Variants in GALNT10 observed in about 807,000 individuals in gnomAD.
GALNT10 encodes the protein GalNAc transferase 10.
GALNT10 carries 41 observed loss-of-function variants against 75.0 expected under a neutral mutation model. That is an observed-to-expected ratio of 0.55 (90% CI 0.43 to 0.71). GALNT10 has a LOEUF of 0.71. Among genes scored for constraint, GALNT10 ranks in the 30% least tolerant of loss-of-function variants. The probability of loss-of-function intolerance (pLI) is 0.00; values close to 1 mark genes in which losing one functional copy is unlikely to be tolerated. For missense variants in GALNT10, 727 were observed against 818.5 expected (o/e 0.89, Z 1.36); for synonymous variants, 302 against 313.0 (o/e 0.96, Z 0.37).
chr5:154,368,096 G>A (rs577181636), intron 4 of GALNT10, among the ~76,000 whole-genome samples: 7 of 152,244 alleles, frequency 4.6e-5, no homozygotes, highest in South Asian at 4.2e-4. Context: ...GTTAAAATCC[G>A]GCTCAGTGGG....
At chr5:154,386,513 C>T (rs780322931) in intron 7 of GALNT10, 83 bp downstream of exon 7, 1 of 843,682 alleles carries the variant, frequency 1.2e-6, no homozygotes, top group South Asian at 1.3e-5. Flanking sequence ...TCTGCCTGAG[C>T]TTGGAAAGAC....
intron 1 of GALNT10, among the ~76,000 whole-genome samples, chr5:154,279,309 T>TG (rs1754003297): frequency 6.8e-6 from 1 of 147,334 alleles, no homozygotes; most frequent in Admixed American, 6.8e-5. Flanking sequence ...GTTTTGTTTT[T>TG]TTTTTTTTTT....
chr5:154,250,221 T>G (rs896914483), intron 1 of GALNT10, among the ~76,000 whole-genome samples: 2 of 152,190 alleles, frequency 1.3e-5, no homozygotes, highest in African/African-American at 4.8e-5. Context: ...GATAAGTCAG[T>G]CCTTTGGACC....
chr5:154,229,963 C>T (rs1165508207), intron 1 of GALNT10, among the ~76,000 whole-genome samples: 1 of 152,216 alleles, frequency 6.6e-6, no homozygotes, highest in East Asian at 1.9e-4. Flanking sequence ...CTGTGTCAGT[C>T]TCCATGCTGG....
intron 1 of GALNT10, among the ~76,000 whole-genome samples, chr5:154,251,343 T>C (rs1252332409): frequency 6.6e-6 from 1 of 152,196 alleles, no homozygotes; most frequent in Admixed American, 6.6e-5. Context: ...AAAGTCTCAA[T>C]CTACAGGTTT....
intron 2 of GALNT10, among the ~76,000 whole-genome samples, chr5:154,297,018 C>A (rs1354866600): frequency 6.6e-6 from 1 of 152,178 alleles, no homozygotes; most frequent in Non-Finnish European, 1.5e-5. Context: ...TTGCTCAGTC[C>A]ACAAGCTCCA....
At chr5:154,369,838 C>T (rs1755537813) in intron 4 of GALNT10, among the ~76,000 whole-genome samples, 1 of 152,152 alleles carries the variant, frequency 6.6e-6, no homozygotes, top group Non-Finnish European at 1.5e-5. Flanking sequence ...GGTTGGTGGC[C>T]CCCTCCCTGC....
At chr5:154,334,178 A>G (rs2113123186) in intron 4 of GALNT10, among the ~76,000 whole-genome samples, 1 of 152,368 alleles carries the variant, frequency 6.6e-6, no homozygotes, top group East Asian at 1.9e-4. Context: ...AACTAATTGT[A>G]ATTCAGCTAA....
chr5:154,244,796 A>G (rs563163405), intron 1 of GALNT10, among the ~76,000 whole-genome samples: 10 of 152,342 alleles, frequency 6.6e-5, no homozygotes, highest in East Asian at 1.9e-4. Flanking sequence ...CTGCTGGGGT[A>G]TATCTTCAAA....
chr5:154,318,003 C>T (rs1310489213), intron 3 of GALNT10, among the ~76,000 whole-genome samples: 1 of 152,202 alleles, frequency 6.6e-6, no homozygotes, highest in Admixed American at 6.5e-5. Flanking sequence ...TGCGTCTTTC[C>T]CAGTTGTCTC....
chr5:154,419,913 G>A lies in GALNT10; in HGVS notation c.*2941G>A, dbSNP rs1302878769. 6.6e-6 allele frequency: 1 copy of A among 152,206 alleles called. No individual in the cohort carries two copies. 9.4% of individuals were successfully genotyped at this position (152,206 alleles called of 1,614,324 possible). On this transcript the variant is annotated 3_prime_UTR_variant, in exon 12 of 12. Transcript: ENST00000297107. Reference sequence around the variant, plus strand: ...CTAAAGCCTTTACTCTGAGGATAAGGTCACAAAGTAGGGTGTGACTTGAAA... The same window carrying A: ...CTAAAGCCTTTACTCTGAGGATAAGATCACAAAGTAGGGTGTGACTTGAAA...
At chr5:154,397,875 C>T (rs766449031) in intron 7 of GALNT10, among the ~76,000 whole-genome samples, 50 of 152,268 alleles carry the variant, frequency 3.3e-4, no homozygotes, top group South Asian at 1.0e-3. Context: ...CCTCCATGGA[C>T]AATCCCTTCC....
At chr5:154,403,656 T>C (rs951785963) in intron 7 of GALNT10, 6 of 193,064 alleles carry the variant, frequency 3.1e-5, no homozygotes, top group Non-Finnish European at 2.1e-5. Flanking sequence ...TTCCCACTGA[T>C]CCCCCGATGC....
chr5:154,198,315 G>A (rs868864555), intron 1 of GALNT10, among the ~76,000 whole-genome samples: 1 of 152,216 alleles, frequency 6.6e-6, no homozygotes, highest in Non-Finnish European at 1.5e-5. Context: ...GTGAGTCACT[G>A]TGGGTAAAAC....
intron 1 of GALNT10, among the ~76,000 whole-genome samples, chr5:154,248,270 C>A (rs1325605752): frequency 0.011 from 1,306 of 118,780 alleles, no homozygotes; most frequent in Admixed American, 0.017. Flanking sequence ...GTCTAAAATT[C>A]TCTTTTTTTG....
intron 1 of GALNT10, among the ~76,000 whole-genome samples, chr5:154,254,553 G>A (rs1411420681): frequency 7.0e-6 from 1 of 142,826 alleles, no homozygotes; most frequent in Non-Finnish European, 1.5e-5. Context: ...TATTAGTAAT[G>A]AATTCCTGAA....
chr5:154,414,032 A>C lies in GALNT10; in HGVS notation c.1503+1027A>C, dbSNP rs533595921. ...AAATATATGAATGGCAAATAAACAT[A>C]TTTAAAATGCTGAATTTCATTAGTT... On this transcript the variant is annotated intron_variant, in intron 10 of 11. Coordinates refer to ENST00000297107, the MANE Select transcript of GALNT10 (RefSeq NM_198321.4). Among the ~76,000 whole-genome samples the C allele has an allele frequency of 4.2e-4, 64 of 152,356 alleles. 1 individual carries two copies. The South Asian group carries it at 0.013, about 31-fold the overall frequency.
chr5:154,204,736 C>T (rs1335764623), intron 1 of GALNT10, among the ~76,000 whole-genome samples: 3 of 152,208 alleles, frequency 2.0e-5, no homozygotes, highest in Non-Finnish European at 4.4e-5. Context: ...AGAGGGCTTC[C>T]GTGAACATAC....
chr5:154,395,953 G>A lies in GALNT10; in HGVS notation c.1057-8151G>A, dbSNP rs368824570. The stretch of plus-strand genomic sequence containing the variant: ...TTCAACATGCCCTGCAGGTGCTTCC[G>A]ATGAGGCCCAAGGTTGAAAATCGCA... On this transcript the variant is annotated intron_variant, in intron 7 of 11. Transcript: ENST00000297107. Among the ~76,000 whole-genome samples the A allele has an allele frequency of 2.6e-5, 4 of 152,308 alleles. No homozygotes were observed. In the East Asian group the frequency reaches 7.7e-4, roughly 29 times the overall value.
Sources: gnomAD v4.1 joint callset for allele counts (sites outside exome capture counted in the v4.1 genomes callset) on GRCh38, gnomAD v4.1.1 for gene constraint, MANE v1.5 for transcripts, NCBI Gene and HGNC (gene_info 2026-07-23, HGNC 2026-07-21) for gene names.